SPECC1: variants seen among roughly 807,000 people sequenced by gnomAD.
SPECC1 encodes the protein cytospin-B.
Under a neutral mutation model 104.1 loss-of-function variants are expected in SPECC1, and 62 were observed. That is an observed-to-expected ratio of 0.60 (90% CI 0.49 to 0.74). The LOEUF (loss-of-function observed/expected upper bound fraction) is 0.74. SPECC1 is among the 30% of genes least tolerant of loss of function. The probability of loss-of-function intolerance (pLI) is 0.00; values close to 1 mark genes in which losing one functional copy is unlikely to be tolerated. For missense variants in SPECC1, 1,306 were observed against 1,310.5 expected, an observed-to-expected ratio of 1.00 and a Z score of 0.05; for synonymous variants, 513 against 501.6, an observed-to-expected ratio of 1.02 and a Z score of -0.30.
intron 13 of SPECC1, among the ~76,000 whole-genome samples, chr17:20,299,296 G>A (rs974505888): frequency 6.6e-5 from 10 of 152,008 alleles, no homozygotes; most frequent in Admixed American, 5.2e-4. Flanking sequence ...GCTCATACTT[G>A]TAATCCCAGC....
At chr17:20,050,477 A>T (rs1012078455) in intron 1 of SPECC1, among the ~76,000 whole-genome samples, 7 of 152,234 alleles carry the variant, frequency 4.6e-5, no homozygotes, top group South Asian at 2.1e-4. Context: ...AATATTTTTT[A>T]AAATGCAAAT....
At chr17:20,072,907 G>GT (rs370502255) in intron 1 of SPECC1, among the ~76,000 whole-genome samples, 42 of 152,226 alleles carry the variant, frequency 2.8e-4, no homozygotes, top group African/African-American at 1.0e-3. Context: ...TTTCTTCGGT[G>GT]TTTTTTTCTG....
chr17:20,117,648 T>G (rs1453735672), intron 3 of SPECC1, among the ~76,000 whole-genome samples: 2 of 138,984 alleles, frequency 1.4e-5, no homozygotes, highest in Admixed American at 7.5e-5. Flanking sequence ...AAAAATTAGC[T>G]GGGTGCGTGC....
At chr17:20,211,168 C>T (rs2037122086) in intron 4 of SPECC1, among the ~76,000 whole-genome samples, 1 of 152,222 alleles carries the variant, frequency 6.6e-6, no homozygotes, top group Non-Finnish European at 1.5e-5. Context: ...AGGGAACCTG[C>T]TGCCTGAGTA....
At chr17:20,161,920 G>A (rs1156295097) in intron 3 of SPECC1, among the ~76,000 whole-genome samples, 1 of 149,882 alleles carries the variant, frequency 6.7e-6, no homozygotes, top group Non-Finnish European at 1.5e-5. Flanking sequence ...TCAGCCTCTT[G>A]AGTACCTGGG....
chr17:20,297,639 A>C (rs1417241005), intron 13 of SPECC1, among the ~76,000 whole-genome samples: 2 of 152,196 alleles, frequency 1.3e-5, no homozygotes, highest in African/African-American at 2.4e-5. Context: ...CCATCGGGCT[A>C]AAGAGGCCAT....
intron 12 of SPECC1, among the ~76,000 whole-genome samples, chr17:20,260,568 T>G (rs2039990235): frequency 6.6e-6 from 1 of 152,176 alleles, no homozygotes; most frequent in African/African-American, 2.4e-5. Flanking sequence ...AAGGGGACCT[T>G]TTTCTTTGGT....
intron 1 of SPECC1, among the ~76,000 whole-genome samples, chr17:20,013,503 T>A (rs1184747271): frequency 6.6e-6 from 1 of 152,216 alleles, no homozygotes; most frequent in Non-Finnish European, 1.5e-5. Context: ...TATTTTATAT[T>A]TTTGATTTCC....
At chr17:20,240,470 A>G (rs2039153189) in intron 7 of SPECC1, among the ~76,000 whole-genome samples, 1 of 149,520 alleles carries the variant, frequency 6.7e-6, no homozygotes, top group African/African-American at 2.5e-5. Flanking sequence ...GTTTTCCTTT[A>G]CTCTTTTTTT....
chr17:20,104,690 C>T lies in SPECC1; in HGVS notation c.148-5737C>T, dbSNP rs1597709165. 2.8e-5 allele frequency among the ~76,000 whole-genome samples: 4 copies of T among 143,460 alleles called. No individual in the cohort carries two copies. The East Asian group carries it at 8.1e-4, about 29-fold the overall frequency. 94.1% of individuals were successfully genotyped at this position (143,460 alleles called of 152,430 possible). A position where few individuals can be genotyped will look rare whatever the true frequency, so the allele number is the denominator to read the frequency against. Reference sequence around the variant, plus strand: ...TCTGGGAGGCGGAGGTTGCAGTGAGCCGAGATTGTGCCACTGCACTCCAGC... The same window carrying T: ...TCTGGGAGGCGGAGGTTGCAGTGAGTCGAGATTGTGCCACTGCACTCCAGC... On this transcript the variant is annotated intron_variant, in intron 2 of 14. Coordinates refer to ENST00000395527, the MANE Select transcript of SPECC1 (RefSeq NM_001243439.2).
intron 4 of SPECC1, among the ~76,000 whole-genome samples, chr17:20,218,199 G>C (rs898026548): frequency 6.6e-6 from 1 of 152,142 alleles, no homozygotes; most frequent in South Asian, 2.1e-4. Flanking sequence ...AATTGTGAGA[G>C]AAAGAATGAC....
intron 1 of SPECC1, among the ~76,000 whole-genome samples, chr17:20,078,979 A>C (rs1223233358): frequency 6.6e-6 from 1 of 152,234 alleles, no homozygotes; most frequent in Non-Finnish European, 1.5e-5. Flanking sequence ...ACAGGCAAGA[A>C]GATTCTTGGG....
chr17:20,219,858 A>G (rs1165785934), intron 4 of SPECC1, among the ~76,000 whole-genome samples: 1 of 151,834 alleles, frequency 6.6e-6, no homozygotes, highest in African/African-American at 2.4e-5. Flanking sequence ...TGATTTTTGT[A>G]TATGGGGGGG....
rs1403353430 is a variant in SPECC1 at position 20,318,510 on chromosome 17, C to G, written c.*4445C>G. 1 of 231,470 alleles carries G rather than the reference C, an allele frequency of 4.3e-6. No homozygotes were observed. Among genetic ancestry groups the G allele is most frequent in the Non-Finnish European group, 8.5e-6 (1 of 117,040 alleles). The allele number at this position is 231,470 out of a possible 1,614,324, so 14.3% of individuals were successfully genotyped here. On this transcript the variant is annotated 3_prime_UTR_variant, in exon 15 of 15. Coordinates refer to ENST00000395527, the MANE Select transcript of SPECC1 (RefSeq NM_001243439.2). The stretch of plus-strand genomic sequence containing the variant: ...AGGAATCTCTGCCATGTTCTCTTCC[C>G]TGCTGCCCACAAACGTTACGGAGAC...
At chr17:20,164,879 T>A (rs907895887) in intron 3 of SPECC1, among the ~76,000 whole-genome samples, 1 of 152,202 alleles carries the variant, frequency 6.6e-6, no homozygotes, top group Admixed American at 6.5e-5. Context: ...ATCACCTGAT[T>A]AGAGTTTACA....
At chr17:20,069,483 T>A (rs905061478) in intron 1 of SPECC1, among the ~76,000 whole-genome samples, 26 of 152,232 alleles carry the variant, frequency 1.7e-4, no homozygotes, top group Non-Finnish European at 3.5e-4. Flanking sequence ...TTACAAAGTT[T>A]TAGCTCTTGT....
At chr17:20,240,728 ATTTC>A (rs1470457535) in intron 7 of SPECC1, among the ~76,000 whole-genome samples, 2 of 152,196 alleles carry the variant, frequency 1.3e-5, no homozygotes, top group Non-Finnish European at 2.9e-5. Context: ...ATGTGCTCCC[ATTTC>A]TTTCTCTTTT....
intron 3 of SPECC1, among the ~76,000 whole-genome samples, chr17:20,116,500 A>T (rs1261646705): frequency 3.3e-5 from 5 of 152,246 alleles, no homozygotes; most frequent in Non-Finnish European, 7.3e-5. Flanking sequence ...TCTATAAAAA[A>T]AATCTTAAAA....
intron 3 of SPECC1, among the ~76,000 whole-genome samples, chr17:20,178,422 C>T (rs2151213567): frequency 6.6e-6 from 1 of 152,170 alleles, no homozygotes; most frequent in Non-Finnish European, 1.5e-5. Flanking sequence ...AAGGGCCAAA[C>T]CCACATTTAG....
Sources: gnomAD v4.1 joint callset for allele counts (sites outside exome capture counted in the v4.1 genomes callset) on GRCh38, gnomAD v4.1.1 for gene constraint, MANE v1.5 for transcripts, NCBI Gene and HGNC (gene_info 2026-07-23, HGNC 2026-07-21) for gene names.